Variants in CLOCK observed in about 807,000 individuals in gnomAD.
CLOCK encodes circadian locomoter output cycles protein kaput.
In CLOCK, 43 loss-of-function variants were observed where a neutral mutation model predicts 118.4. That is an observed-to-expected ratio of 0.36 (90% CI 0.28 to 0.47). CLOCK has a LOEUF of 0.47. CLOCK is among the 20% of genes least tolerant of loss of function. CLOCK has a pLI of 1.00. For synonymous variants in CLOCK, 326 were observed against 339.2 expected (o/e 0.96, Z 0.43); for missense variants, 846 against 999.9 (o/e 0.85, Z 2.08).
chr4:55,510,312 G>C (rs116217826), intron 1 of CLOCK, among the ~76,000 whole-genome samples: 3,421 of 152,224 alleles, frequency 0.022, 114 homozygotes, highest in African/African-American at 0.077. Flanking sequence ...ATACAAACCA[G>C]TTTGCTGGAA....
rs548161502 is a variant in CLOCK, at chr4:55,502,444, T to G, written c.-136+7468A>C. Among the ~76,000 whole-genome samples the G allele has an allele frequency of 2.2e-3, 334 of 152,306 alleles. 1 individual carries two copies. The highest frequency in any genetic ancestry group is 7.5e-3 in the African/African-American group (311 of 41,576). ...CATTACAACAAAAGTACTACTGCAT[T>G]ACGGTAGGGAAAGGATGATCTTCTC... On this transcript the variant is annotated intron_variant, in intron 2 of 22. Transcript: ENST00000513440.
At chr4:55,470,590 T>G in intron 8 of CLOCK, 127 bp downstream of exon 8, 1 of 659,572 alleles carries the variant, frequency 1.5e-6, no homozygotes, top group South Asian at 1.8e-5. Flanking sequence ...AAAGACATAC[T>G]TAGAGCTCTG....
rs150290610 is a variant in CLOCK, at chr4:55,521,664, A to C, written c.-289-11599T>G. ...CCTTCACAAATATGCAAAGGAAAGAAATGGGCCTCAGACTCAGACATACTT... is the reference window on the plus strand; with the variant it reads ...CCTTCACAAATATGCAAAGGAAAGACATGGGCCTCAGACTCAGACATACTT... On this transcript the variant is annotated intron_variant, in intron 1 of 22. Transcript: ENST00000513440. Among the ~76,000 whole-genome samples, 1,025 of 152,368 alleles carry C rather than the reference A, an allele frequency of 6.7e-3. 12 individuals carry two copies. Among genetic ancestry groups the C allele is most frequent in the Non-Finnish European group, 9.5e-3 (645 of 68,034 alleles).
chr4:55,518,704 A>G (rs1432641770), intron 1 of CLOCK, among the ~76,000 whole-genome samples: 2 of 152,200 alleles, frequency 1.3e-5, no homozygotes, highest in Non-Finnish European at 2.9e-5. Context: ...GCAACAAGGC[A>G]CCAGAATGGG....
intron 9 of CLOCK, among the ~76,000 whole-genome samples, chr4:55,459,835 AATTT>A (rs1459067292): frequency 2.6e-5 from 4 of 151,778 alleles, no homozygotes; most frequent in Non-Finnish European, 5.9e-5. Flanking sequence ...GCTAATTTTT[AATTT>A]TTTATAGAAA....
rs561483992 is a variant in CLOCK, at chr4:55,502,453, G to A, written c.-136+7459C>T. 4.6e-5 allele frequency among the ~76,000 whole-genome samples: 7 copies of A among 152,292 alleles called. No individual in the cohort carries two copies. The South Asian group carries it at 1.4e-3, about 32-fold the overall frequency. On this transcript the variant is annotated intron_variant, in intron 2 of 22. Coordinates refer to ENST00000513440, the MANE Select transcript of CLOCK (RefSeq NM_004898.4). ...AAAAGTACTACTGCATTACGGTAGGGAAAGGATGATCTTCTCAATAAATAC... is the reference window on the plus strand; with the variant it reads ...AAAAGTACTACTGCATTACGGTAGGAAAAGGATGATCTTCTCAATAAATAC...
chr4:55,510,681 G>T (rs1299093341), intron 1 of CLOCK, among the ~76,000 whole-genome samples: 1 of 148,070 alleles, frequency 6.8e-6, no homozygotes, highest in Non-Finnish European at 1.5e-5. Flanking sequence ...AGAATTTAAT[G>T]CAAGAATGTG....
intron 3 of CLOCK, among the ~76,000 whole-genome samples, chr4:55,487,296 A>G (rs949430463): frequency 6.6e-6 from 1 of 152,142 alleles, no homozygotes; most frequent in Non-Finnish European, 1.5e-5. Flanking sequence ...TCTGAACATG[A>G]GCTCACATTT....
intron 1 of CLOCK, among the ~76,000 whole-genome samples, chr4:55,541,228 A>G (rs544128669): frequency 4.3e-4 from 65 of 152,356 alleles, no homozygotes; most frequent in Non-Finnish European, 7.5e-4. Context: ...CTTTTAATAA[A>G]TGGTTGTAAA....
rs750217589 is a variant in CLOCK at position 55,492,377 on chromosome 4, C to G, written c.-135-2912G>C. ...CATGATAAAAAAAAAAAACGCCATTCAACAAACTAGGAATAGAAGGAATTT... is the reference window on the plus strand; with the variant it reads ...CATGATAAAAAAAAAAAACGCCATTGAACAAACTAGGAATAGAAGGAATTT... On this transcript the variant is annotated intron_variant, in intron 2 of 22. Transcript: ENST00000513440. Among the ~76,000 whole-genome samples the G allele has an allele frequency of 2.2e-4, 27 of 120,752 alleles. 2 individuals carry two copies. The highest frequency in any genetic ancestry group is 4.6e-4 in the Non-Finnish European group (25 of 54,688). 79.2% of individuals were successfully genotyped at this position (120,752 alleles called of 152,430 possible). A position where few individuals can be genotyped will look rare whatever the true frequency, so the allele number is the denominator to read the frequency against.
chr4:55,455,950 T>C lies in CLOCK; in HGVS notation c.929A>G (p.Tyr310Cys), dbSNP rs144434107. 1 of 1,613,756 alleles carries C rather than the reference T, an allele frequency of 6.2e-7. No individual in the cohort carries two copies. Among genetic ancestry groups the C allele is most frequent in the Non-Finnish European group, 8.5e-7 (1 of 1,179,808 alleles). The change falls in exon 13 of 23, where the codon TAT becomes TGT. Residue 310 changes from tyrosine (Y) to cysteine (C), a missense_variant. Physicochemically the swap from Tyr to Cys is radical, Grantham distance 194. Coordinates refer to ENST00000513440, the MANE Select transcript of CLOCK (RefSeq NM_004898.4). ...TAGGTCATCCACATGATAGTAATCA[T>C]AGCCTGATGTTCCCAGAACTTCAAA... ...LPFEVLGTSG[Y>C]DYYHVDDLEN... is the part of the protein sequence containing the mutation.
At chr4:55,479,572 CTATT>C (rs1420400050) in intron 5 of CLOCK, 64 bp downstream of exon 5, 3 of 1,260,352 alleles carry the variant, frequency 2.4e-6, no homozygotes, top group African/African-American at 1.5e-5. Flanking sequence ...CATTTATTCA[CTATT>C]TATTTACCAT....
rs1727521711 is a variant in CLOCK at position 55,489,363 on chromosome 4, CCTTT to C, written c.-44+7_-44+10del. 1 of 152,070 alleles carries C rather than the reference CCTTT, an allele frequency of 6.6e-6. No individual in the cohort carries two copies. Among genetic ancestry groups the C allele is most frequent in the Non-Finnish European group, 1.5e-5 (1 of 67,998 alleles). 9.4% of individuals were successfully genotyped at this position (152,070 alleles called of 1,614,324 possible). A position where few individuals can be genotyped will look rare whatever the true frequency, so the allele number is the denominator to read the frequency against. ...ATTTTACGATGCATTCTAAGATGCA[CCTTT>C]CTTTACCTTTTGTACTCCTTGGATC... On this transcript the variant is annotated splice_region_variant and intron_variant, in intron 3 of 22. Coordinates refer to ENST00000513440, the MANE Select transcript of CLOCK (RefSeq NM_004898.4).
intron 1 of CLOCK, among the ~76,000 whole-genome samples, chr4:55,519,922 GAA>G (rs1313238541): frequency 6.6e-6 from 1 of 152,174 alleles, no homozygotes; most frequent in Non-Finnish European, 1.5e-5. Flanking sequence ...TCCTTGCCAG[GAA>G]GCTTCAGCAT....
intron 1 of CLOCK, among the ~76,000 whole-genome samples, chr4:55,532,131 T>C (rs1560482652): frequency 1.3e-5 from 2 of 152,092 alleles, no homozygotes; most frequent in Non-Finnish European, 2.9e-5. Flanking sequence ...CCTTCCATGA[T>C]AAAAACACTC....
chr4:55,437,726 G>A (rs1032496351), intron 22 of CLOCK, among the ~76,000 whole-genome samples: 6 of 152,212 alleles, frequency 3.9e-5, no homozygotes, highest in African/African-American at 1.4e-4. Context: ...AGTACGTGGT[G>A]CAGCAGTGAC....
intron 7 of CLOCK, among the ~76,000 whole-genome samples, chr4:55,471,428 G>C (rs1468938479): frequency 6.6e-6 from 1 of 152,068 alleles, no homozygotes; most frequent in Non-Finnish European, 1.5e-5. Context: ...GTGGAAGCAG[G>C]GTGTAAAATG....
intron 1 of CLOCK, among the ~76,000 whole-genome samples, chr4:55,523,147 A>G (rs979477495): frequency 6.6e-6 from 1 of 151,708 alleles, no homozygotes; most frequent in East Asian, 1.9e-4. Flanking sequence ...TTAAAAAAAA[A>G]AAATTAGCTA....
intron 21 of CLOCK, chr4:55,442,215 T>C (rs1723426371): frequency 1.8e-6 from 1 of 554,954 alleles, no homozygotes; most frequent in Non-Finnish European, 3.2e-6. Context: ...TTTTGTAGCA[T>C]ATTTTTGGAC....
Sources: allele counts gnomAD v4.1 joint callset (sites outside exome capture counted in the v4.1 genomes callset), GRCh38; gene constraint gnomAD v4.1.1; transcripts MANE v1.5; gene names NCBI Gene and HGNC (gene_info 2026-07-23, HGNC 2026-07-21).